EMSY: variants seen among roughly 807,000 people sequenced by gnomAD.
EMSY encodes EMSY transcriptional repressor, BRCA2 interacting.
A neutral mutation model predicts 134.6 loss-of-function variants in EMSY; 26 were observed. That is an observed-to-expected ratio of 0.19 (90% CI 0.14 to 0.27). The LOEUF is 0.27. EMSY is among the 10% of genes least tolerant of loss of function. The pLI, the probability that EMSY is intolerant of heterozygous loss-of-function variation, is 1.00. For synonymous variants in EMSY, 579 were observed against 577.8 expected (o/e 1.00, Z -0.03); for missense variants, 1,305 against 1,611.4 (o/e 0.81, Z 3.26).
intron 2 of EMSY, among the ~76,000 whole-genome samples, chr11:76,450,504 C>G (rs1238426424): frequency 7.2e-6 from 1 of 139,638 alleles, no homozygotes; most frequent in Non-Finnish European, 1.6e-5. Flanking sequence ...TTTTTTTTTT[C>G]CTTCTGAGAC....
chr11:76,465,603 A>T (rs1948319409), intron 7 of EMSY, among the ~76,000 whole-genome samples: 1 of 138,176 alleles, frequency 7.2e-6, no homozygotes, highest in Non-Finnish European at 1.6e-5. Context: ...AAGTTCCTTT[A>T]AAAAAAAAAA....
rs145631372 is a variant in EMSY, at chr11:76,535,834, T to G, written c.2195-61T>G. 2,636 of 1,270,706 alleles carry G rather than the reference T, an allele frequency of 2.1e-3. 26 individuals carry two copies. The highest frequency in any genetic ancestry group is 3.1e-3 in the Middle Eastern group (13 of 4,182). The allele number at this position is 1,270,706 out of a possible 1,614,324, so 78.7% of individuals were successfully genotyped here. A position where few individuals can be genotyped will look rare whatever the true frequency, so the allele number is the denominator to read the frequency against. ...AAACAGACAAAAAAATTGTTTGTTT[T>G]TTTTTTTTTAAGAGAAACTTTGTTT... On this transcript the variant is annotated intron_variant, in intron 14 of 20. Coordinates refer to ENST00000334736, the Ensembl canonical transcript of EMSY.
intron 11 of EMSY, among the ~76,000 whole-genome samples, chr11:76,521,218 G>A (rs189900577): frequency 6.6e-6 from 1 of 152,152 alleles, no homozygotes; most frequent in African/African-American, 2.4e-5. Flanking sequence ...ATGCTAATTA[G>A]ATCAAAATGG....
chr11:76,513,617 T>TTGG (rs1950350750), intron 10 of EMSY, 82 bp downstream of exon 11: 1 of 1,461,492 alleles, frequency 6.8e-7, no homozygotes, highest in African/African-American at 1.4e-5. Context: ...TGCTTGACAC[T>TTGG]TGGGATATAG....
chr11:76,494,673 T>C (rs1415226188), intron 8 of EMSY, among the ~76,000 whole-genome samples: 8 of 27,320 alleles, frequency 2.9e-4, no homozygotes, highest in Admixed American at 8.4e-4. Context: ...CTTCCTTCCT[T>C]CCTTCCTTCC....
chr11:76,445,557 G>T (rs1393741656), intron 1 of EMSY, among the ~76,000 whole-genome samples: 1 of 152,114 alleles, frequency 6.6e-6, no homozygotes, highest in African/African-American at 2.4e-5. Flanking sequence ...CTGCTAGGGA[G>T]TGCGTGTTTG....
rs141577754 is a variant in EMSY, at chr11:76,546,143, G to A, written c.3620G>A (p.Cys1207Tyr). Residue 1207 changes from cysteine to tyrosine, a missense_variant, in exon 20 of 21, where the codon TGT (cysteine) becomes TAT (tyrosine). Around this residue, in one of 7 missense-constraint regions of EMSY, gnomAD observed 664 missense variants for 763.9 expected, o/e 0.87. Coordinates refer to ENST00000334736, the Ensembl canonical transcript of EMSY. The stretch of plus-strand genomic sequence containing the variant: ...AATTCCACTCCCCAGCAACAGAAAT[G>A]TAGAGAGTCCTGTTCGAGTCCATCC... 183 of 1,614,218 alleles carry A rather than the reference G, an allele frequency of 1.1e-4. No individual in the cohort carries two copies. In the African/African-American group the frequency reaches 1.3e-3, roughly 12 times the overall value.
chr11:76,490,706 AC>A (rs939702946), intron 8 of EMSY, among the ~76,000 whole-genome samples: 107 of 152,320 alleles, frequency 7.0e-4, no homozygotes, highest in African/African-American at 2.4e-3. Context: ...AGAGGGGAAA[AC>A]ATGTCTTTTA....
intron 8 of EMSY, among the ~76,000 whole-genome samples, chr11:76,475,753 A>C (rs1948748140): frequency 6.6e-6 from 1 of 152,234 alleles, no homozygotes. Flanking sequence ...TTGTGCCTGC[A>C]GGACTTCTGT....
At chr11:76,457,067 G>A (rs953461859) in intron 4 of EMSY, among the ~76,000 whole-genome samples, 1 of 152,012 alleles carries the variant, frequency 6.6e-6, no homozygotes. Flanking sequence ...AAATTCATAG[G>A]ATTGAAGAGT....
intron 2 of EMSY, among the ~76,000 whole-genome samples, chr11:76,451,356 G>A (rs1051554220): frequency 6.6e-6 from 1 of 152,216 alleles, no homozygotes; most frequent in Non-Finnish European, 1.5e-5. Context: ...ATAAGTGGCA[G>A]TGCTGGAGTC....
At chr11:76,545,974 A>C (rs1246914753) in exon 20 of EMSY, 7 of 1,614,180 alleles carry the variant, frequency 4.3e-6, no homozygotes, top group Non-Finnish European at 5.9e-6. Context: ...TGACATTTTG[A>C]AAATGTCTTT....
intron 9 of EMSY, among the ~76,000 whole-genome samples, chr11:76,511,361 C>T (rs1950268471): frequency 6.6e-6 from 1 of 152,086 alleles, no homozygotes; most frequent in South Asian, 2.1e-4. Context: ...AATTTTTTCT[C>T]TGTGTGCTTA....
intron 11 of EMSY, among the ~76,000 whole-genome samples, chr11:76,521,441 C>T (rs576948336): frequency 6.6e-6 from 1 of 152,260 alleles, no homozygotes; most frequent in South Asian, 2.1e-4. Flanking sequence ...AAGGGGCTTT[C>T]ATCTTGTTGA....
intron 12 of EMSY, among the ~76,000 whole-genome samples, chr11:76,525,409 G>T (rs559954621): frequency 2.6e-5 from 4 of 152,150 alleles, no homozygotes; most frequent in Admixed American, 6.5e-5. Context: ...GCCAGCTCAC[G>T]TGGGTGCTTT....
chr11:76,519,710 A>G (rs1950578521), intron 11 of EMSY, among the ~76,000 whole-genome samples: 1 of 152,220 alleles, frequency 6.6e-6, no homozygotes, highest in Admixed American at 6.5e-5. Flanking sequence ...CTGAGCCAAT[A>G]AATTTGTGTT....
intron 11 of EMSY, among the ~76,000 whole-genome samples, chr11:76,518,703 A>ATATATATATATAT (rs57143914): frequency 2.8e-4 from 37 of 130,202 alleles, no homozygotes; most frequent in African/African-American, 6.1e-4. Context: ...ATATATATAT[A>ATATATATATATAT]TTTTTTTTTT....
chr11:76,510,453 G>A (rs149017978), intron 9 of EMSY, among the ~76,000 whole-genome samples: 334 of 152,336 alleles, frequency 2.2e-3, no homozygotes, highest in Non-Finnish European at 3.1e-3. Context: ...AGTATCTAGG[G>A]TGGGGTAAGT....
chr11:76,469,212 A>C (rs1449857581), intron 7 of EMSY, among the ~76,000 whole-genome samples: 1 of 152,214 alleles, frequency 6.6e-6, no homozygotes, highest in Non-Finnish European at 1.5e-5. Context: ...ATTTGGTACA[A>C]GTGTGAATGC....
Sources: allele counts gnomAD v4.1 joint callset (sites outside exome capture counted in the v4.1 genomes callset), GRCh38; gene constraint gnomAD v4.1.1; regional missense constraint gnomAD v4.1.1; transcripts MANE v1.5; gene names NCBI Gene and HGNC (gene_info 2026-07-23, HGNC 2026-07-21).